MACROD2: variants seen among roughly 807,000 people sequenced by gnomAD.
MACROD2 encodes ADP-ribose glycohydrolase MACROD2.
MACROD2 carries 36 observed loss-of-function variants against 70.4 expected under a neutral mutation model. The ratio of observed to expected loss-of-function variants is 0.51; its 90% CI spans 0.39 to 0.68. The LOEUF (loss-of-function observed/expected upper bound fraction) is 0.68, where lower values mean the gene tolerates loss of function less well. Ranked by LOEUF, MACROD2 falls within the 30% of genes least tolerant of loss-of-function variation. The pLI is 0.00. For synonymous variants in MACROD2, 172 were observed against 178.8 expected (o/e 0.96, Z 0.30); for missense variants, 496 against 538.4 (o/e 0.92, Z 0.78).
intron 3 of MACROD2, among the ~76,000 whole-genome samples, chr20:14,250,206 G>A (rs1285049501): frequency 6.6e-6 from 1 of 151,920 alleles, no homozygotes; most frequent in African/African-American, 2.4e-5. Flanking sequence ...TGGGCTGTAT[G>A]TGGGCGCAGT....
At chr20:15,127,986 T>G (rs2076078570) in intron 5 of MACROD2, among the ~76,000 whole-genome samples, 1 of 152,104 alleles carries the variant, frequency 6.6e-6, no homozygotes, top group African/African-American at 2.4e-5. Context: ...ATTCTTGTCT[T>G]CTCTATAGTT....
At chr20:15,502,882 C>T (rs1159228271) in intron 8 of MACROD2, among the ~76,000 whole-genome samples, 1 of 152,126 alleles carries the variant, frequency 6.6e-6, no homozygotes, top group African/African-American at 2.4e-5. Context: ...TCCGGGCTGA[C>T]AGATACTTTA....
At chr20:15,358,944 T>A (rs976414104) in intron 6 of MACROD2, among the ~76,000 whole-genome samples, 1 of 152,092 alleles carries the variant, frequency 6.6e-6, no homozygotes, top group Non-Finnish European at 1.5e-5. Context: ...AGATATGAAT[T>A]TTGGGGTGAC....
At chr20:15,735,606 A>G (rs2051008206) in intron 8 of MACROD2, among the ~76,000 whole-genome samples, 1 of 152,212 alleles carries the variant, frequency 6.6e-6, no homozygotes, top group Non-Finnish European at 1.5e-5. Flanking sequence ...AACCCGGGAC[A>G]ATGACATACT....
At chr20:15,663,622 G>GA (rs11477819) in intron 8 of MACROD2, among the ~76,000 whole-genome samples, 1,697 of 148,220 alleles carry the variant, frequency 0.011, 28 homozygotes, top group African/African-American at 0.038. Context: ...ACAACAGACA[G>GA]AAAAAAAAAA....
At chr20:15,453,320 C>T (rs1317830687) in intron 7 of MACROD2, among the ~76,000 whole-genome samples, 1 of 152,052 alleles carries the variant, frequency 6.6e-6, no homozygotes, top group Admixed American at 6.6e-5. Context: ...CTCATTTTAA[C>T]CTTTCTCTTT....
chr20:14,010,557 A>G (rs948476743), intron 2 of MACROD2, among the ~76,000 whole-genome samples: 1 of 152,166 alleles, frequency 6.6e-6, no homozygotes, highest in East Asian at 1.9e-4. Context: ...TGCCTATGTC[A>G]TAGAAGGTTC....
rs1472017941 is a variant in MACROD2 at position 14,276,417 on chromosome 20, A to G, written c.271+190689A>G. Among the ~76,000 whole-genome samples, 258 of 141,740 alleles carry G rather than the reference A, an allele frequency of 1.8e-3. 1 individual carries two copies. Among genetic ancestry groups the G allele is most frequent in the Admixed American group, 5.5e-3 (76 of 13,718 alleles). The allele number at this position is 141,740 out of a possible 152,430, so 93.0% of individuals were successfully genotyped here. On this transcript the variant is annotated intron_variant, in intron 3 of 17. Transcript: ENST00000684519. The stretch of plus-strand genomic sequence containing the variant: ...CCGCATGTTCTCACTCATAGGTGGG[A>G]ATTGAACAATGAGAACACATGGACA...
At chr20:15,079,675 A>G (rs2075687806) in intron 5 of MACROD2, among the ~76,000 whole-genome samples, 1 of 151,972 alleles carries the variant, frequency 6.6e-6, no homozygotes, top group Admixed American at 6.6e-5. Context: ...TGACTCCCTC[A>G]AAGTCACCTA....
chr20:14,842,228 T>G (rs2073095236), intron 5 of MACROD2, among the ~76,000 whole-genome samples: 1 of 152,084 alleles, frequency 6.6e-6, no homozygotes, highest in Non-Finnish European at 1.5e-5. Flanking sequence ...AAACCCACTC[T>G]CATGATAACA....
chr20:14,532,699 G>A (rs969156930), intron 4 of MACROD2, among the ~76,000 whole-genome samples: 26 of 152,134 alleles, frequency 1.7e-4, no homozygotes, highest in Non-Finnish European at 3.4e-4. Flanking sequence ...TTGGTTGCCT[G>A]TTGTTCAAAT....
intron 8 of MACROD2, among the ~76,000 whole-genome samples, chr20:15,682,850 T>G (rs1266849216): frequency 3.9e-5 from 6 of 152,248 alleles, no homozygotes; most frequent in Admixed American, 3.3e-4. Flanking sequence ...CTTGGCAAGC[T>G]CTGTCATTTT....
At chr20:15,725,311 GA>G (rs1442669267) in intron 8 of MACROD2, among the ~76,000 whole-genome samples, 1 of 151,976 alleles carries the variant, frequency 6.6e-6, no homozygotes, top group African/African-American at 2.4e-5. Flanking sequence ...TATTTTGTTA[GA>G]TTTATATCTA....
At chr20:14,671,718 G>GGA (rs2070797170) in intron 4 of MACROD2, among the ~76,000 whole-genome samples, 1 of 152,186 alleles carries the variant, frequency 6.6e-6, no homozygotes, top group Non-Finnish European at 1.5e-5. Context: ...AACAAGATGA[G>GGA]GAGGTTCATA....
At chr20:14,416,265 C>T (rs2083804127) in intron 3 of MACROD2, among the ~76,000 whole-genome samples, 1 of 152,050 alleles carries the variant, frequency 6.6e-6, no homozygotes, top group Non-Finnish European at 1.5e-5. Context: ...CCTCTGTTGG[C>T]CTCTATTTTT....
intron 6 of MACROD2, among the ~76,000 whole-genome samples, chr20:15,244,915 A>G (rs1030510584): frequency 6.6e-6 from 1 of 152,242 alleles, no homozygotes; most frequent in Non-Finnish European, 1.5e-5. Flanking sequence ...GTTTACCTGC[A>G]TACATTTGTT....
chr20:14,608,234 C>A (rs1249687865), intron 4 of MACROD2, among the ~76,000 whole-genome samples: 1 of 151,926 alleles, frequency 6.6e-6, no homozygotes, highest in Non-Finnish European at 1.5e-5. Context: ...CCAACCTGGG[C>A]AACAAGAATG....
intron 8 of MACROD2, among the ~76,000 whole-genome samples, chr20:15,580,466 G>A (rs933428702): frequency 1.3e-5 from 2 of 152,170 alleles, no homozygotes; most frequent in African/African-American, 4.8e-5. Context: ...AATTAGCTAT[G>A]TTAATGGTCT....
chr20:15,702,894 A>C (rs971561405), intron 8 of MACROD2, among the ~76,000 whole-genome samples: 1 of 152,250 alleles, frequency 6.6e-6, no homozygotes, highest in Admixed American at 6.5e-5. Flanking sequence ...GAACTATACT[A>C]TAAGGCCACA....
Sources: gnomAD v4.1 joint callset for allele counts (sites outside exome capture counted in the v4.1 genomes callset) on GRCh38, gnomAD v4.1.1 for gene constraint, MANE v1.5 for transcripts, NCBI Gene and HGNC (gene_info 2026-07-23, HGNC 2026-07-21) for gene names.